CAAP1: variants seen among roughly 807,000 people sequenced by gnomAD.
CAAP1 encodes caspase activity and apoptosis inhibitor 1.
In CAAP1, 20 loss-of-function variants were observed where a neutral mutation model predicts 34.0. The observed-to-expected ratio is 0.59, with a 90% confidence interval of 0.41 to 0.86. The LOEUF is 0.86. Ranked by LOEUF, CAAP1 falls within the 40% of genes least tolerant of loss-of-function variation. CAAP1 has a pLI of 0.00. For synonymous variants in CAAP1, 213 were observed against 166.7 expected, an observed-to-expected ratio of 1.28 and a Z score of -2.14; for missense variants, 538 against 450.5, an observed-to-expected ratio of 1.19 and a Z score of -1.76.
At chr9:26,889,847 G>A (rs1454146848) in intron 1 of CAAP1, among the ~76,000 whole-genome samples, 8 of 122,426 alleles carry the variant, frequency 6.5e-5, no homozygotes, top group Admixed American at 4.2e-4. Flanking sequence ...CAGCCTGGGC[G>A]ACAGAGCGAG....
chr9:26,873,887 C>T (rs982834870), intron 4 of CAAP1, among the ~76,000 whole-genome samples: 2 of 152,018 alleles, frequency 1.3e-5, no homozygotes, highest in South Asian at 2.1e-4. Flanking sequence ...TACCATTCCT[C>T]GCCTTTTTTC....
chr9:26,874,024 G>T (rs553258891), intron 4 of CAAP1, among the ~76,000 whole-genome samples: 1 of 151,730 alleles, frequency 6.6e-6, no homozygotes, highest in Admixed American at 6.6e-5. Flanking sequence ...TGGCTAACAT[G>T]GTGAAACCCC....
intron 4 of CAAP1, among the ~76,000 whole-genome samples, chr9:26,881,186 C>T (rs1823585646): frequency 6.6e-6 from 1 of 152,196 alleles, no homozygotes; most frequent in Admixed American, 6.5e-5. Flanking sequence ...GTTGCCCAGG[C>T]TGGTCTCAAA....
At chr9:26,889,643 A>G (rs953976127) in intron 1 of CAAP1, among the ~76,000 whole-genome samples, 14 of 151,304 alleles carry the variant, frequency 9.3e-5, no homozygotes, top group African/African-American at 3.4e-4. Flanking sequence ...TGAGGGGGGC[A>G]GATAACAAGG....
rs922307015 is a variant in CAAP1 at position 26,870,016 on chromosome 9, G to A, written c.666-8877C>T. 8 of 811,916 alleles carry A rather than the reference G, an allele frequency of 9.9e-6. No homozygotes were observed. In the African/African-American group the frequency reaches 1.3e-4, roughly 13 times the overall value. The allele number at this position is 811,916 out of a possible 1,614,324, so 50.3% of individuals were successfully genotyped here. ...GACAATAGATACAGTTTAAAAGTTA[G>A]GTTTCTGTAATAGAAAGAATAACTT... is the stretch of plus-strand genomic sequence containing the variant. On this transcript the variant is annotated intron_variant, in intron 4 of 5. Coordinates refer to ENST00000333916, the MANE Select transcript of CAAP1 (RefSeq NM_024828.4).
intron 5 of CAAP1, among the ~76,000 whole-genome samples, chr9:26,856,398 T>C (rs1420575501): frequency 1.3e-5 from 2 of 152,180 alleles, no homozygotes; most frequent in Non-Finnish European, 2.9e-5. Context: ...TCCAATAGAA[T>C]AAAAAATGTA....
chr9:26,867,904 C>T (rs1229839464), intron 4 of CAAP1, among the ~76,000 whole-genome samples: 1 of 152,050 alleles, frequency 6.6e-6, no homozygotes, highest in Non-Finnish European at 1.5e-5. Flanking sequence ...CACTAGACTT[C>T]CAAGGGTCCT....
intron 4 of CAAP1, among the ~76,000 whole-genome samples, chr9:26,877,615 A>T (rs1823474525): frequency 6.6e-6 from 1 of 152,120 alleles, no homozygotes; most frequent in African/African-American, 2.4e-5. Flanking sequence ...TTATCTTATT[A>T]CAGTTTCTGG....
intron 4 of CAAP1, chr9:26,880,209 T>C (rs1156496369): frequency 1.1e-5 from 4 of 354,946 alleles, no homozygotes; most frequent in South Asian, 4.3e-5. Context: ...ACATTTGGCA[T>C]GGACAGCACA....
At chr9:26,850,832 T>A (rs1016593800) in intron 5 of CAAP1, among the ~76,000 whole-genome samples, 8 of 152,354 alleles carry the variant, frequency 5.3e-5, no homozygotes, top group African/African-American at 1.9e-4. Context: ...GTGCATTAGG[T>A]TGACCATCAT....
chr9:26,879,875 C>A (rs1019246845), intron 4 of CAAP1, among the ~76,000 whole-genome samples: 4 of 152,182 alleles, frequency 2.6e-5, no homozygotes, highest in Middle Eastern at 3.2e-3. Flanking sequence ...GGGACTTGGA[C>A]TGATCCACCA....
At chr9:26,871,637 A>C (rs978284132) in intron 4 of CAAP1, among the ~76,000 whole-genome samples, 1 of 151,538 alleles carries the variant, frequency 6.6e-6, no homozygotes, top group African/African-American at 2.4e-5. Context: ...AGAAAAAGTA[A>C]TGCAGTCCAG....
intron 4 of CAAP1, among the ~76,000 whole-genome samples, chr9:26,861,601 A>G (rs1025100621): frequency 6.6e-6 from 1 of 152,200 alleles, no homozygotes; most frequent in African/African-American, 2.4e-5. Context: ...TGTAATATAC[A>G]TATGTAATCA....
chr9:26,873,600 A>G (rs546389943), intron 4 of CAAP1, among the ~76,000 whole-genome samples: 4 of 152,300 alleles, frequency 2.6e-5, no homozygotes, highest in African/African-American at 9.6e-5. Flanking sequence ...GGCCAAACTA[A>G]TACCTGTTCT....
intron 5 of CAAP1, among the ~76,000 whole-genome samples, chr9:26,860,116 G>A (rs908839646): frequency 1.3e-4 from 20 of 151,956 alleles, no homozygotes; most frequent in African/African-American, 4.1e-4. Flanking sequence ...TAATCTTCTT[G>A]GATGCAACAA....
At chr9:26,857,726 T>A (rs1198665371) in intron 5 of CAAP1, among the ~76,000 whole-genome samples, 1 of 152,246 alleles carries the variant, frequency 6.6e-6, no homozygotes, top group African/African-American at 2.4e-5. Context: ...ATATTTACAT[T>A]TAAATAACAT....
At chr9:26,889,867 CAAAAAAAAAA>C (rs1028187218) in intron 1 of CAAP1, among the ~76,000 whole-genome samples, 1 of 51,326 alleles carries the variant, frequency 1.9e-5, no homozygotes, top group Non-Finnish European at 4.0e-5. Context: ...GACTCTGTCT[CAAAAAAAAAA>C]AAAAAAAAAA....
At chr9:26,891,439 G>C (rs1363146725) in intron 1 of CAAP1, among the ~76,000 whole-genome samples, 1 of 152,084 alleles carries the variant, frequency 6.6e-6, no homozygotes, top group African/African-American at 2.4e-5. Flanking sequence ...GTCTCATTTG[G>C]AAAGCATTTG....
chr9:26,868,978 T>C (rs1413215430), intron 4 of CAAP1, among the ~76,000 whole-genome samples: 1 of 152,208 alleles, frequency 6.6e-6, no homozygotes, highest in Non-Finnish European at 1.5e-5. Context: ...TATTGCTAAT[T>C]ACGTTAAGTG....
Sources: allele counts gnomAD v4.1 joint callset (sites outside exome capture counted in the v4.1 genomes callset), GRCh38; gene constraint gnomAD v4.1.1; transcripts MANE v1.5; gene names NCBI Gene and HGNC (gene_info 2026-07-23, HGNC 2026-07-21).